PSPC1: variants seen among roughly 807,000 people sequenced by gnomAD.
PSPC1 encodes paraspeckle component 1, also known as paraspeckle protein 1.
PSPC1 carries 14 observed loss-of-function variants against 51.6 expected under a neutral mutation model. The ratio of observed to expected loss-of-function variants is 0.27; its 90% CI spans 0.18 to 0.42. The LOEUF (loss-of-function observed/expected upper bound fraction) is 0.42. PSPC1 is among the 10% of genes least tolerant of loss of function. PSPC1 has a pLI of 1.00. For synonymous variants in PSPC1, 193 were observed against 231.9 expected, an observed-to-expected ratio of 0.83 and a Z score of 1.53; for missense variants, 406 against 701.1, an observed-to-expected ratio of 0.58 and a Z score of 4.75.
At chr13:19,686,316 CTCTT>C (rs777437522) in intron 6 of PSPC1, among the ~76,000 whole-genome samples, 4 of 152,168 alleles carry the variant, frequency 2.6e-5, no homozygotes, top group African/African-American at 4.8e-5. Flanking sequence ...AAAAATCGTA[CTCTT>C]TCTATGTATG....
chr13:19,739,895 G>A (rs1885257181), intron 5 of PSPC1, among the ~76,000 whole-genome samples: 1 of 150,702 alleles, frequency 6.6e-6, no homozygotes, highest in Non-Finnish European at 1.5e-5. Context: ...TAGTTCTCAA[G>A]CTTTCAGATC....
intron 2 of PSPC1, among the ~76,000 whole-genome samples, chr13:19,760,100 T>C (rs1336031515): frequency 6.6e-6 from 1 of 152,196 alleles, no homozygotes; most frequent in Non-Finnish European, 1.5e-5. Flanking sequence ...ATGATACTTC[T>C]GAGACATTTT....
intron 6 of PSPC1, among the ~76,000 whole-genome samples, chr13:19,716,660 A>AT (rs915242313): frequency 5.8e-4 from 88 of 152,322 alleles, no homozygotes; most frequent in Middle Eastern, 3.4e-3. Flanking sequence ...TCCACTAAAA[A>AT]ATATATAATT....
chr13:19,732,519 G>GT (rs1884242841), intron 5 of PSPC1, among the ~76,000 whole-genome samples: 1 of 152,212 alleles, frequency 6.6e-6, no homozygotes, highest in Non-Finnish European at 1.5e-5. Context: ...TATTTCTGCA[G>GT]TAAGATAAAA....
downstream of PSPC1, chr13:19,672,070 T>A (rs932791505): frequency 1.7e-6 from 1 of 587,606 alleles, no homozygotes. Context: ...CTCAGTGCAG[T>A]GTCCAGACTG....
At chr13:19,722,463 G>C (rs1053876388) in intron 6 of PSPC1, among the ~76,000 whole-genome samples, 1 of 151,662 alleles carries the variant, frequency 6.6e-6, no homozygotes, top group African/African-American at 2.4e-5. Flanking sequence ...TCGTGCCACT[G>C]AACTCCAGTC....
intron 2 of PSPC1, among the ~76,000 whole-genome samples, chr13:19,765,287 C>A (rs1053467463): frequency 1.7e-4 from 26 of 150,274 alleles, no homozygotes; most frequent in African/African-American, 6.1e-4. Flanking sequence ...TCATGCCATG[C>A]ACTCCACCCT....
chr13:19,709,556 G>A lies in PSPC1; in HGVS notation c.1202C>T (p.Ala401Val), dbSNP rs2137771781. 1 of 1,612,412 alleles carries A rather than the reference G, an allele frequency of 6.2e-7. No homozygotes were observed. Among genetic ancestry groups the A allele is most frequent in the Non-Finnish European group, 8.5e-7 (1 of 1,179,422 alleles). Reference protein sequence around the residue: ...MRMGDMGPRGAINMGDAFSPA... With the variant: ...MRMGDMGPRGVINMGDAFSPA... ...CAAATCCCTACCTCCCATGTTTATT[G>A]CTCCACGGGGACCCATATCACCCAT... The change falls in exon 7 of 9, where the codon GCA becomes GTA. Residue 401 changes from alanine to valine, a missense_variant. Transcript: ENST00000338910.
intron 6 of PSPC1, among the ~76,000 whole-genome samples, chr13:19,691,570 T>C (rs1361185840): frequency 6.6e-6 from 1 of 151,612 alleles, no homozygotes; most frequent in Non-Finnish European, 1.5e-5. Flanking sequence ...ACTGATAAAA[T>C]TGACATGAAT....
chr13:19,736,862 T>C (rs1884894894), intron 5 of PSPC1: 1 of 152,188 alleles, frequency 6.6e-6, no homozygotes, highest in African/African-American at 2.4e-5. Context: ...CACAATATTA[T>C]AATTAACTAT....
chr13:19,683,982 CT>C lies in PSPC1; in HGVS notation c.1159-6160del, dbSNP rs144466334. On this transcript the variant is annotated intron_variant and NMD_transcript_variant, in intron 6 of 7. Coordinates refer to the PSPC1 transcript ENST00000471658. ...TTAATGACCTCAAAGGAAAAATTAA[CT>C]CCATTTCAAGTGCCCAGACCTGAAA... Among the ~76,000 whole-genome samples, 1,461 of 152,194 alleles carry C rather than the reference CT, an allele frequency of 9.6e-3. 25 individuals carry two copies. Among genetic ancestry groups the C allele is most frequent in the African/African-American group, 0.031 (1,307 of 41,534 alleles).
chr13:19,735,778 A>C (rs994416366), intron 5 of PSPC1, among the ~76,000 whole-genome samples: 1 of 152,104 alleles, frequency 6.6e-6, no homozygotes, highest in African/African-American at 2.4e-5. Flanking sequence ...GTTCCCAGAC[A>C]TAATCTTTTT....
At chr13:19,687,622 T>C (rs541977633) in intron 6 of PSPC1, among the ~76,000 whole-genome samples, 46 of 151,868 alleles carry the variant, frequency 3.0e-4, no homozygotes, top group Non-Finnish European at 6.2e-4. Context: ...ACCTATCATT[T>C]GGTTTTTTAA....
At chr13:19,738,253 G>A (rs932004142) in intron 5 of PSPC1, among the ~76,000 whole-genome samples, 11 of 152,146 alleles carry the variant, frequency 7.2e-5, no homozygotes, top group African/African-American at 1.4e-4. Context: ...AAGTTTAGCC[G>A]TTCATCTTTC....
chr13:19,731,269 A>AT (rs1165193221), intron 5 of PSPC1, among the ~76,000 whole-genome samples: 1 of 152,188 alleles, frequency 6.6e-6, no homozygotes, highest in African/African-American at 2.4e-5. Context: ...TCTATATAGT[A>AT]ATATTGAAGT....
chr13:19,687,729 C>T (rs565995359), intron 6 of PSPC1, among the ~76,000 whole-genome samples: 1 of 151,954 alleles, frequency 6.6e-6, no homozygotes, highest in South Asian at 2.1e-4. Context: ...TTCTCCATCC[C>T]ACTATCCCAC....
chr13:19,717,189 C>A (rs570347084), intron 6 of PSPC1, among the ~76,000 whole-genome samples: 1 of 152,286 alleles, frequency 6.6e-6, no homozygotes, highest in East Asian at 1.9e-4. Context: ...AGATATTAGG[C>A]CTCTTTGCCA....
chr13:19,719,103 G>C (rs3929804), intron 6 of PSPC1, among the ~76,000 whole-genome samples: 49 of 146,902 alleles, frequency 3.3e-4, no homozygotes, highest in African/African-American at 1.2e-3. Flanking sequence ...AAAGGTAAAC[G>C]ATAGACTTTG....
chr13:19,691,315 G>C (rs1878512365), intron 6 of PSPC1, among the ~76,000 whole-genome samples: 1 of 152,132 alleles, frequency 6.6e-6, no homozygotes, highest in Non-Finnish European at 1.5e-5. Flanking sequence ...GAGACAAGGA[G>C]TTTGAGACCA....
Sources: allele counts gnomAD v4.1 joint callset (sites outside exome capture counted in the v4.1 genomes callset), GRCh38; gene constraint gnomAD v4.1.1; transcripts MANE v1.5; gene names NCBI Gene and HGNC (gene_info 2026-07-23, HGNC 2026-07-21).